The following SCUBE2 variants were observed in gnomAD, a reference collection of about 807,000 sequenced individuals.
SCUBE2 encodes the protein signal peptide, CUB and EGF-like domain-containing protein 2.
In SCUBE2, 114 loss-of-function variants were observed where a neutral mutation model predicts 125.9. The ratio of observed to expected loss-of-function variants is 0.91; its 90% CI spans 0.78 to 1.06. The LOEUF is 1.06. Ranked by LOEUF, SCUBE2 falls within the 50% of genes least tolerant of loss-of-function variation. The probability of loss-of-function intolerance (pLI) is 0.00; values close to 1 mark genes in which losing one functional copy is unlikely to be tolerated. For missense variants in SCUBE2, 1,255 were observed against 1,301.8 expected, an observed-to-expected ratio of 0.96 and a Z score of 0.55; for synonymous variants, 459 against 492.9, an observed-to-expected ratio of 0.93 and a Z score of 0.91.
At chr11:9,083,680 G>A (rs563553637) in intron 2 of SCUBE2, among the ~76,000 whole-genome samples, 6 of 151,578 alleles carry the variant, frequency 4.0e-5, no homozygotes, top group South Asian at 2.1e-4. Flanking sequence ...TCAGCCTCCC[G>A]AGTAGCTGGG....
Position 9,053,211 on chromosome 11 carries a change from C to G in SCUBE2, c.1335G>C (p.Val445=). Residue 445 remains valine (V), a synonymous_variant, in exon 12 of 23, where the codon GTG becomes GTC. Coordinates refer to ENST00000649792, the MANE Select transcript of SCUBE2 (RefSeq NM_001367977.2). ...ACACACTTGTGGGCAGGAGCCCCTTCACTTCTAGACAGGACAAAACAGACA... is the reference window on the plus strand; with the variant it reads ...ACACACTTGTGGGCAGGAGCCCCTTGACTTCTAGACAGGACAAAACAGACA... ...LHWNKKDCVE[V]KGLLPTSVSP... 6.2e-7 allele frequency: 1 copy of G among 1,612,938 alleles called. No individual in the cohort carries two copies. Among genetic ancestry groups the G allele is most frequent in the Non-Finnish European group, 8.5e-7 (1 of 1,178,862 alleles).
At chr11:9,072,801 G>A (rs1860912100) in intron 4 of SCUBE2, among the ~76,000 whole-genome samples, 1 of 152,088 alleles carries the variant, frequency 6.6e-6, no homozygotes, top group South Asian at 2.1e-4. Flanking sequence ...TACTCTTTAG[G>A]GGATCCAAGA....
intron 21 of SCUBE2, among the ~76,000 whole-genome samples, chr11:9,025,051 T>C (rs1373781046): frequency 6.6e-6 from 1 of 152,200 alleles, no homozygotes; most frequent in Admixed American, 6.5e-5. Flanking sequence ...AAAGATCCAG[T>C]TCATTTTATG....
intron 16 of SCUBE2, among the ~76,000 whole-genome samples, chr11:9,036,592 C>T (rs986389171): frequency 6.6e-6 from 1 of 152,154 alleles, no homozygotes; most frequent in Admixed American, 6.5e-5. Flanking sequence ...GGGAAAGTGC[C>T]GATATGGTGA....
Position 9,025,755 on chromosome 11 carries a change from G to T in SCUBE2, c.2801C>A (p.Ser934Tyr), listed in dbSNP as rs372629722. 5.0e-6 allele frequency: 8 copies of T among 1,614,056 alleles called. No homozygotes were observed. The highest frequency in any genetic ancestry group is 6.8e-6 in the Non-Finnish European group (8 of 1,180,036). The part of the protein sequence containing the change: ...RSKKLWIQFK[S>Y]NEGNSARGFQ... ...CCCTCTAGCGCTGTTCCCTTCATTG[G>T]ACTTGAACTGAATCCACAGCTTCTT... Residue 934 changes from serine to tyrosine, a missense_variant, in exon 21 of 23, where the codon TCC becomes TAC. Around this residue, in one of 3 missense-constraint regions of SCUBE2, gnomAD observed 515 missense variants for 515.7 expected, o/e 1.00. Coordinates refer to ENST00000649792, the MANE Select transcript of SCUBE2 (RefSeq NM_001367977.2).
chr11:9,059,551 A>G, intron 8 of SCUBE2, 126 bp from the exon 9 acceptor site: 1 of 1,228,422 alleles, frequency 8.1e-7, no homozygotes, highest in African/African-American at 1.5e-5. Flanking sequence ...AAAAGCATTT[A>G]AGAATGTTTG....
chr11:9,073,203 T>C (rs781145838), intron 4 of SCUBE2, among the ~76,000 whole-genome samples: 1 of 152,174 alleles, frequency 6.6e-6, no homozygotes, highest in Non-Finnish European at 1.5e-5. Flanking sequence ...TTGGCCTACA[T>C]TGGACAAGAG....
intron 16 of SCUBE2, among the ~76,000 whole-genome samples, chr11:9,046,421 C>A (rs1857783455): frequency 6.6e-6 from 1 of 152,078 alleles, no homozygotes; most frequent in South Asian, 2.1e-4. Context: ...TTAGTGATAC[C>A]CTCACTGGGA....
rs1855208348 is a variant in SCUBE2, at chr11:9,020,436, T to A, written c.*609A>T. On this transcript the variant is annotated 3_prime_UTR_variant, in exon 23 of 23. Coordinates refer to ENST00000649792, the MANE Select transcript of SCUBE2 (RefSeq NM_001367977.2). Reference sequence around the variant, plus strand: ...TTATTTATTTCTAATTCTTTCTGCTTTTTTTTTTCACGAGCACTGCTTAGA... The same window carrying A: ...TTATTTATTTCTAATTCTTTCTGCTATTTTTTTTCACGAGCACTGCTTAGA... 6.6e-6 allele frequency: 1 copy of A among 150,874 alleles called. No homozygotes were observed. The highest frequency in any genetic ancestry group is 2.4e-5 in the African/African-American group (1 of 41,090). The allele number at this position is 150,874 out of a possible 1,614,324, so 9.3% of individuals were successfully genotyped here. A position where few individuals can be genotyped will look rare whatever the true frequency, so the allele number is the denominator to read the frequency against.
chr11:9,048,519 G>A (rs1412876556), intron 14 of SCUBE2, among the ~76,000 whole-genome samples: 1 of 152,210 alleles, frequency 6.6e-6, no homozygotes, highest in Non-Finnish European at 1.5e-5. Context: ...AGAGTGGAAA[G>A]GAAACCAACT....
At chr11:9,080,307 G>A (rs532320534) in intron 2 of SCUBE2, among the ~76,000 whole-genome samples, 9 of 152,130 alleles carry the variant, frequency 5.9e-5, no homozygotes, top group Admixed American at 5.9e-4. Context: ...AATGGATCAG[G>A]GATCCAAATG....
At chr11:9,062,171 TC>T (rs1463933496) in intron 7 of SCUBE2, among the ~76,000 whole-genome samples, 1 of 152,064 alleles carries the variant, frequency 6.6e-6, no homozygotes, top group African/African-American at 2.4e-5. Context: ...TCATCCCTCT[TC>T]CCCCAACTCC....
At chr11:9,047,284 TG>T in intron 16 of SCUBE2, 71 bp downstream of exon 16, 2 of 1,510,136 alleles carry the variant, frequency 1.3e-6, no homozygotes, top group Non-Finnish European at 1.8e-6. Context: ...GGGCCAGACT[TG>T]CCTTCGGTTA....
At position 9,020,316 on chromosome 11, in the gene SCUBE2, G is replaced by A. The variant is rs959219071; in HGVS notation, c.*729C>T. 1 of 152,420 alleles carries A rather than the reference G, an allele frequency of 6.6e-6. No individual in the cohort carries two copies. Among genetic ancestry groups the A allele is most frequent in the African/African-American group, 2.4e-5 (1 of 41,464 alleles). The allele number at this position is 152,420 out of a possible 1,614,324, so 9.4% of individuals were successfully genotyped here. On this transcript the variant is annotated 3_prime_UTR_variant, in exon 23 of 23. Transcript: ENST00000649792. The stretch of plus-strand genomic sequence containing the variant: ...TCAGAGGGCACAGCTGAAGGTGCGA[G>A]AGTCAGCATAGTGCATTTGCTGCAG...
At chr11:9,060,610 T>G (rs1859584004) in intron 7 of SCUBE2, 86 bp from the exon 8 acceptor site, 5 of 1,119,558 alleles carry the variant, frequency 4.5e-6, no homozygotes, top group Non-Finnish European at 6.7e-6. Context: ...AGAAGCATGG[T>G]GGGGTACTCA....
intron 14 of SCUBE2, 40 bp downstream of exon 14, chr11:9,050,566 A>G (rs1250332226): frequency 6.6e-7 from 1 of 1,523,936 alleles, no homozygotes; most frequent in South Asian, 1.1e-5. Context: ...CCCTTCCCAC[A>G]TGCAGGCAAG....
At chr11:9,048,426 G>A (rs1039054647) in intron 14 of SCUBE2, among the ~76,000 whole-genome samples, 8 of 152,192 alleles carry the variant, frequency 5.3e-5, no homozygotes, top group African/African-American at 1.9e-4. Flanking sequence ...GTTTGCTAAC[G>A]TGTGCTTACA....
At chr11:9,054,745 T>TTTTTTTTC (rs1554890297) in intron 10 of SCUBE2, among the ~76,000 whole-genome samples, 5 of 110,434 alleles carry the variant, frequency 4.5e-5, no homozygotes, top group African/African-American at 7.4e-5. Flanking sequence ...TTTTTTTTTT[T>TTTTTTTTC]TTTTTTTCAG....
At chr11:9,081,255 G>T (rs1042761912) in intron 2 of SCUBE2, among the ~76,000 whole-genome samples, 2 of 152,110 alleles carry the variant, frequency 1.3e-5, no homozygotes, top group African/African-American at 4.8e-5. Flanking sequence ...TCATAATGTT[G>T]TGAAACCATC....
Sources: gnomAD v4.1 joint callset for allele counts (sites outside exome capture counted in the v4.1 genomes callset) on GRCh38, gnomAD v4.1.1 for gene constraint, gnomAD v4.1.1 regional missense constraint, MANE v1.5 for transcripts, NCBI Gene and HGNC (gene_info 2026-07-23, HGNC 2026-07-21) for gene names.